Variants in ARMH3 observed in about 807,000 individuals in gnomAD.
The protein encoded by ARMH3 is armadillo like helical domain containing 3.
Under a neutral mutation model 99.1 loss-of-function variants are expected in ARMH3, and 60 were observed. That is an observed-to-expected ratio of 0.61 (90% CI 0.49 to 0.75). ARMH3 has a LOEUF of 0.75. ARMH3 is among the 30% of genes least tolerant of loss of function. The pLI is 0.00. For synonymous variants in ARMH3, 285 were observed against 292.8 expected (o/e 0.97, Z 0.27); for missense variants, 679 against 843.1 (o/e 0.81, Z 2.41).
chr10:102,009,574 T>C lies in ARMH3; in HGVS notation c.879-125A>G, dbSNP rs1590177473. ...TATCAATTCCTTTGCATTTCTAAAG[T>C]TCCCCTTTACTTGCCATTTGGGCGT... is the stretch of plus-strand genomic sequence containing the variant. On this transcript the variant is annotated intron_variant, in intron 12 of 25. Coordinates refer to ENST00000370033, the MANE Select transcript of ARMH3 (RefSeq NM_024541.3). 3 of 884,698 alleles carry C rather than the reference T, an allele frequency of 3.4e-6. No individual in the cohort carries two copies. The South Asian group carries it at 4.6e-5, about 14-fold the overall frequency. The allele number at this position is 884,698 out of a possible 1,614,324, so 54.8% of individuals were successfully genotyped here. A position where few individuals can be genotyped will look rare whatever the true frequency, so the allele number is the denominator to read the frequency against.
chr10:102,036,181 G>A (rs1280186105), intron 2 of ARMH3, among the ~76,000 whole-genome samples: 9 of 137,046 alleles, frequency 6.6e-5, no homozygotes, highest in Admixed American at 3.5e-4. Flanking sequence ...GCCCCCGCCC[G>A]GCCAGCCGCC....
intron 24 of ARMH3, among the ~76,000 whole-genome samples, chr10:101,867,829 C>T (rs77990565): frequency 6.6e-6 from 1 of 150,934 alleles, no homozygotes; most frequent in African/African-American, 2.4e-5. Context: ...GAGACCCCAT[C>T]CCAAAAAAAA....
chr10:101,852,165 C>A (rs140230516), intron 24 of ARMH3, among the ~76,000 whole-genome samples: 59 of 152,336 alleles, frequency 3.9e-4, no homozygotes, highest in African/African-American at 1.3e-3. Context: ...TGAGCGGTGT[C>A]AAGTGCCAAA....
chr10:101,960,247 G>A (rs142982789), intron 20 of ARMH3, among the ~76,000 whole-genome samples: 23 of 151,784 alleles, frequency 1.5e-4, no homozygotes, highest in Non-Finnish European at 3.1e-4. Context: ...CATCACAGAT[G>A]GTAATTCTTC....
intron 24 of ARMH3, among the ~76,000 whole-genome samples, chr10:101,852,850 T>G: frequency 6.6e-6 from 1 of 151,660 alleles, no homozygotes; most frequent in Non-Finnish European, 1.5e-5. Context: ...GTCCAGACAC[T>G]GCCCGTTGCC....
intron 23 of ARMH3, among the ~76,000 whole-genome samples, chr10:101,927,094 T>C (rs1349162748): frequency 6.6e-6 from 1 of 152,042 alleles, no homozygotes; most frequent in African/African-American, 2.4e-5. Context: ...CCTAAAGAAA[T>C]TGGAAATAAC....
chr10:102,032,826 T>C, intron 4 of ARMH3, 200 bp downstream of exon 4: 1 of 539,082 alleles, frequency 1.9e-6, no homozygotes, highest in East Asian at 3.1e-5. Context: ...ATTATACAAA[T>C]GGATACGATT....
At chr10:101,988,697 C>T (rs956474065) in intron 19 of ARMH3, among the ~76,000 whole-genome samples, 1 of 152,102 alleles carries the variant, frequency 6.6e-6, no homozygotes, top group African/African-American at 2.4e-5. Flanking sequence ...CCAAGGCAGG[C>T]AGATCACCTA....
chr10:101,853,511 A>G (rs1002275357), intron 24 of ARMH3, among the ~76,000 whole-genome samples: 1 of 152,202 alleles, frequency 6.6e-6, no homozygotes, highest in Non-Finnish European at 1.5e-5. Context: ...CCTCTGCCTA[A>G]AGGCCTGAGG....
intron 1 of ARMH3, among the ~76,000 whole-genome samples, chr10:102,053,559 A>G (rs2067761966): frequency 6.6e-6 from 1 of 151,848 alleles, no homozygotes; most frequent in Non-Finnish European, 1.5e-5. Context: ...TACTTGTGCA[A>G]TCTCCTACTC....
chr10:101,949,063 C>T (rs952855661), intron 22 of ARMH3, among the ~76,000 whole-genome samples: 3 of 151,174 alleles, frequency 2.0e-5, no homozygotes, highest in Non-Finnish European at 4.4e-5. Flanking sequence ...AAAAATACAA[C>T]AAAAAAATGT....
intron 2 of ARMH3, 128 bp downstream of exon 2, chr10:102,039,874 TGCCCTCAAACC>T: frequency 1.5e-6 from 1 of 687,122 alleles, no homozygotes; most frequent in African/African-American, 1.8e-5. Context: ...CTTTCATTTT[TGCCCTCAAACC>T]CTCTTTCTCT....
At chr10:101,850,566 A>C (rs1487773606) in intron 24 of ARMH3, among the ~76,000 whole-genome samples, 2 of 151,774 alleles carry the variant, frequency 1.3e-5, no homozygotes. Flanking sequence ...CTGGGATTAC[A>C]GGTGTGTGCC....
intron 15 of ARMH3, among the ~76,000 whole-genome samples, chr10:101,997,426 T>G (rs2136040046): frequency 6.6e-6 from 1 of 152,134 alleles, no homozygotes. Flanking sequence ...ACCCCATCTC[T>G]ACTAAAATAC....
chr10:101,961,294 T>C (rs572354160), intron 20 of ARMH3, among the ~76,000 whole-genome samples: 4 of 152,048 alleles, frequency 2.6e-5, no homozygotes, highest in Non-Finnish European at 5.9e-5. Flanking sequence ...CTATCCCTTG[T>C]GGCTGCTTGC....
chr10:101,990,304 C>T (rs1205631232), intron 19 of ARMH3, among the ~76,000 whole-genome samples: 2 of 152,028 alleles, frequency 1.3e-5, no homozygotes, highest in Non-Finnish European at 2.9e-5. Flanking sequence ...CTGCCTCAGC[C>T]TCCCAAGTAG....
intron 23 of ARMH3, among the ~76,000 whole-genome samples, chr10:101,908,389 T>A (rs1251920909): frequency 6.6e-6 from 1 of 152,220 alleles, no homozygotes; most frequent in African/African-American, 2.4e-5. Context: ...AGTTACAGCA[T>A]GGTTTCTCAA....
chr10:101,950,331 T>C (rs1844728829), intron 22 of ARMH3, among the ~76,000 whole-genome samples: 1 of 152,224 alleles, frequency 6.6e-6, no homozygotes, highest in African/African-American at 2.4e-5. Flanking sequence ...CATTGTTTCT[T>C]GCTTGTGTAA....
At chr10:101,946,071 CAAAAAAAAAAAAAAAAAAAAAAAA>C (rs569179050) in intron 22 of ARMH3, among the ~76,000 whole-genome samples, 3 of 34,486 alleles carry the variant, frequency 8.7e-5, no homozygotes, top group African/African-American at 7.2e-4. Context: ...GACTCTGCCT[CAAAAAAAAAAAAAAAAAAAAAAAA>C]AAAAAAAAGT....
Sources: gnomAD v4.1 joint callset for allele counts (sites outside exome capture counted in the v4.1 genomes callset) on GRCh38, gnomAD v4.1.1 for gene constraint, MANE v1.5 for transcripts, NCBI Gene and HGNC (gene_info 2026-07-23, HGNC 2026-07-21) for gene names.